CMKLR1: variants seen among roughly 807,000 people sequenced by gnomAD.
CMKLR1 encodes chemerin-like receptor 1.
In CMKLR1, 6 loss-of-function variants were observed where a neutral mutation model predicts 8.2. That is an observed-to-expected ratio of 0.73 (90% CI 0.40 to 1.44). The LOEUF (loss-of-function observed/expected upper bound fraction) is 1.44, where lower values mean the gene tolerates loss of function less well. CMKLR1 is among the 40% of genes most tolerant of loss of function. The pLI is 0.02. For missense variants in CMKLR1, 429 were observed against 478.0 expected, an observed-to-expected ratio of 0.90 and a Z score of 0.96; for synonymous variants, 178 against 181.2, an observed-to-expected ratio of 0.98 and a Z score of 0.14.
At chr12:108,316,113 G>A (rs1404795713) in intron 2 of CMKLR1, among the ~76,000 whole-genome samples, 1 of 152,178 alleles carries the variant, frequency 6.6e-6, no homozygotes, top group Non-Finnish European at 1.5e-5. Flanking sequence ...TGAAAATGCA[G>A]CCCCTTATTC....
chr12:108,314,387 C>G (rs1291351857), intron 2 of CMKLR1, among the ~76,000 whole-genome samples: 1 of 152,120 alleles, frequency 6.6e-6, no homozygotes, highest in African/African-American at 2.4e-5. Flanking sequence ...CTTCCTGATG[C>G]TAGGAGCAGA....
intron 2 of CMKLR1, among the ~76,000 whole-genome samples, chr12:108,320,035 G>T (rs1474551077): frequency 1.3e-5 from 2 of 151,924 alleles, no homozygotes; most frequent in Non-Finnish European, 2.9e-5. Flanking sequence ...AGGGCTGGGG[G>T]ACCTGTCGGC....
At chr12:108,331,181 C>G (rs1892097703) in intron 1 of CMKLR1, among the ~76,000 whole-genome samples, 1 of 152,162 alleles carries the variant, frequency 6.6e-6, no homozygotes, top group Non-Finnish European at 1.5e-5. Flanking sequence ...AGCCTCCTAC[C>G]AGGTGCCAGA....
intron 2 of CMKLR1, among the ~76,000 whole-genome samples, chr12:108,309,755 C>G (rs1399238494): frequency 2.0e-5 from 3 of 152,148 alleles, no homozygotes; most frequent in Admixed American, 6.5e-5. Context: ...ATCCACAGTC[C>G]CCACCCCTCC....
rs1487009243 is a variant in CMKLR1 at position 108,288,399 on chromosome 12, G to C, written c.*3442C>G. ...GAAATGGGAGACATCTGGGCAAGAT[G>C]AGTTTGAAGGTCCCTTATGGTTTTC... On this transcript the variant is annotated 3_prime_UTR_variant, in exon 4 of 4. Transcript: ENST00000550402. The C allele has an allele frequency of 6.6e-6, 1 of 152,260 alleles. No individual in the cohort carries two copies. Among genetic ancestry groups the C allele is most frequent in the African/African-American group, 2.4e-5 (1 of 41,458 alleles). The allele number at this position is 152,260 out of a possible 1,614,324, so 9.4% of individuals were successfully genotyped here.
In CMKLR1 at chr12:108,336,603, T is replaced by C. The variant is rs895697558; in HGVS notation, c.-287+2424A>G. On this transcript the variant is annotated intron_variant, in intron 1 of 3. Coordinates refer to ENST00000550402, the MANE Select transcript of CMKLR1 (RefSeq NM_001142343.2). ...TATTCTAATGCAGGTGGTCTAGAGATTGCACTTTGAGAAGCTCTGAGTCTA... is the reference window on the plus strand; with the variant it reads ...TATTCTAATGCAGGTGGTCTAGAGACTGCACTTTGAGAAGCTCTGAGTCTA... 4.0e-5 allele frequency among the ~76,000 whole-genome samples: 6 copies of C among 151,806 alleles called. No homozygotes were observed. The South Asian group carries it at 6.2e-4, about 16-fold the overall frequency.
rs551128991 is a variant in CMKLR1 at position 108,324,368 on chromosome 12, A to G, written c.-74+5627T>C. Among the ~76,000 whole-genome samples the G allele has an allele frequency of 2.2e-3, 337 of 152,314 alleles. 1 individual carries two copies. The highest frequency in any genetic ancestry group is 8.0e-3 in the African/African-American group (332 of 41,568). ...CTTACCAGCTGTGTGACCTTGGGCA[A>G]GTCGCTTAACCTCCCCGTGCCCCTA... On this transcript the variant is annotated intron_variant, in intron 2 of 3. Coordinates refer to ENST00000550402, the MANE Select transcript of CMKLR1 (RefSeq NM_001142343.2).
intron 2 of CMKLR1, among the ~76,000 whole-genome samples, chr12:108,329,363 C>T (rs1892052876): frequency 6.6e-6 from 1 of 152,176 alleles, no homozygotes; most frequent in Non-Finnish European, 1.5e-5. Flanking sequence ...GCTCTCCCTG[C>T]CTAAAATCTC....
chr12:108,337,628 C>T (rs138294224), intron 1 of CMKLR1, among the ~76,000 whole-genome samples: 1 of 152,086 alleles, frequency 6.6e-6, no homozygotes, highest in Non-Finnish European at 1.5e-5. Context: ...GGGTAGGGGA[C>T]TTCTCAGAAC....
rs1593151888 is a variant in CMKLR1, at chr12:108,288,350, CA to C, written c.*3490del. ...TTGCAGAGTCCTCAGGGGAAGCTCT[CA>C]AAACCTCAGTTCCCTCATCTGTGAA... On this transcript the variant is annotated 3_prime_UTR_variant, in exon 4 of 4. Transcript: ENST00000550402. 1.3e-5 allele frequency: 2 copies of C among 152,374 alleles called. No homozygotes were observed. The allele number at this position is 152,374 out of a possible 1,614,324, so 9.4% of individuals were successfully genotyped here. A position where few individuals can be genotyped will look rare whatever the true frequency, so the allele number is the denominator to read the frequency against.
At chr12:108,327,295 T>C (rs1484972656) in intron 2 of CMKLR1, among the ~76,000 whole-genome samples, 1 of 151,846 alleles carries the variant, frequency 6.6e-6, no homozygotes, top group Admixed American at 6.6e-5. Flanking sequence ...CTGGGCAACA[T>C]GGTGAGACCC....
chr12:108,323,509 T>C (rs1891909264), intron 2 of CMKLR1, among the ~76,000 whole-genome samples: 1 of 152,244 alleles, frequency 6.6e-6, no homozygotes, highest in South Asian at 2.1e-4. Context: ...AGCCCTCAAA[T>C]GTTTCCCTGA....
chr12:108,318,727 G>A (rs1383536300), intron 2 of CMKLR1, among the ~76,000 whole-genome samples: 2 of 152,302 alleles, frequency 1.3e-5, no homozygotes, highest in East Asian at 3.9e-4. Flanking sequence ...TTTCCAGTGT[G>A]GTCCCTGATC....
At chr12:108,314,651 C>T (rs1054601545) in intron 2 of CMKLR1, among the ~76,000 whole-genome samples, 3 of 152,198 alleles carry the variant, frequency 2.0e-5, no homozygotes, top group African/African-American at 7.2e-5. Flanking sequence ...GAACCGTGGC[C>T]TTTAAGTCAT....
chr12:108,323,214 C>A (rs1891901302), intron 2 of CMKLR1, among the ~76,000 whole-genome samples: 1 of 152,224 alleles, frequency 6.6e-6, no homozygotes, highest in South Asian at 2.1e-4. Flanking sequence ...ACCATCACCA[C>A]CACTTCAGAA....
chr12:108,316,028 G>A (rs1351268273), intron 2 of CMKLR1, among the ~76,000 whole-genome samples: 1 of 152,198 alleles, frequency 6.6e-6, no homozygotes, highest in Non-Finnish European at 1.5e-5. Context: ...GCTCTAAGAG[G>A]AGGGGATGTG....
intron 2 of CMKLR1, among the ~76,000 whole-genome samples, chr12:108,329,239 G>T (rs1167285935): frequency 6.6e-6 from 1 of 152,158 alleles, no homozygotes; most frequent in Non-Finnish European, 1.5e-5. Flanking sequence ...TGGAAAATTG[G>T]GTGGGGCCTT....
At chr12:108,316,332 C>T (rs1430368904) in intron 2 of CMKLR1, among the ~76,000 whole-genome samples, 1 of 152,050 alleles carries the variant, frequency 6.6e-6, no homozygotes, top group Non-Finnish European at 1.5e-5. Context: ...GAGGAAGAAG[C>T]AGCACAGCCA....
rs112262364 is a variant in CMKLR1, at chr12:108,288,957, C to T, written c.*2884G>A. 301 of 108,944 alleles carry T rather than the reference C, an allele frequency of 2.8e-3. 3 individuals are homozygous for T. Among genetic ancestry groups the T allele is most frequent in the Non-Finnish European group, 5.6e-3 (236 of 42,118 alleles). The allele number at this position is 108,944 out of a possible 1,614,324, so 6.7% of individuals were successfully genotyped here. A position where few individuals can be genotyped will look rare whatever the true frequency, so the allele number is the denominator to read the frequency against. On this transcript the variant is annotated 3_prime_UTR_variant, in exon 4 of 4. Coordinates refer to ENST00000550402, the MANE Select transcript of CMKLR1 (RefSeq NM_001142343.2). The stretch of plus-strand genomic sequence containing the variant: ...GAAACAGAAACTCACTTTCTGCACC[C>T]CCCCCCCACCTTGCTATGATGGTCC...
Sources: allele counts gnomAD v4.1 joint callset (sites outside exome capture counted in the v4.1 genomes callset), GRCh38; gene constraint gnomAD v4.1.1; transcripts MANE v1.5; gene names NCBI Gene and HGNC (gene_info 2026-07-23, HGNC 2026-07-21).